VPS35L: variants seen among roughly 807,000 people sequenced by gnomAD.
The protein encoded by VPS35L is VPS35 endosomal protein sorting factor like.
VPS35L carries 83 observed loss-of-function variants against 133.0 expected under a neutral mutation model. That is an observed-to-expected ratio of 0.62 (90% CI 0.52 to 0.75). The LOEUF (loss-of-function observed/expected upper bound fraction) is 0.75. Ranked by LOEUF, VPS35L falls within the 30% of genes least tolerant of loss-of-function variation. The pLI, the probability that VPS35L is intolerant of heterozygous loss-of-function variation, is 0.00. For synonymous variants in VPS35L, 423 were observed against 449.9 expected, an observed-to-expected ratio of 0.94 and a Z score of 0.76; for missense variants, 1,083 against 1,206.8, an observed-to-expected ratio of 0.90 and a Z score of 1.52.
chr16:19,643,488 A>C (rs1213513609), intron 22 of VPS35L, among the ~76,000 whole-genome samples: 1 of 152,172 alleles, frequency 6.6e-6, no homozygotes, highest in Non-Finnish European at 1.5e-5. Context: ...TCTTCCTGGA[A>C]GCTGATGTAC....
At chr16:19,609,101 ATAG>A (rs1972626990) in intron 11 of VPS35L, 80 bp downstream of exon 11, 1 of 1,204,548 alleles carries the variant, frequency 8.3e-7, no homozygotes, top group Non-Finnish European at 1.2e-6. Context: ...TGGCAATGTA[ATAG>A]TAGCCATTAT....
intron 25 of VPS35L, among the ~76,000 whole-genome samples, chr16:19,650,986 C>T (rs2151586957): frequency 6.6e-6 from 1 of 150,702 alleles, no homozygotes; most frequent in Non-Finnish European, 1.5e-5. Context: ...TCAAGCGATT[C>T]TCCTACCTCA....
chr16:19,682,521 C>T, intron 28 of VPS35L, 131 bp downstream of exon 28: 2 of 1,049,932 alleles, frequency 1.9e-6, no homozygotes, highest in South Asian at 1.6e-5. Flanking sequence ...TCCAGGGTCT[C>T]ACTGTATTTA....
chr16:19,651,697 C>T (rs1016760025), intron 25 of VPS35L, among the ~76,000 whole-genome samples: 2 of 152,132 alleles, frequency 1.3e-5, no homozygotes, highest in African/African-American at 4.8e-5. Context: ...TTGGTTTAAA[C>T]AGCTGTCTCT....
chr16:19,634,652 C>T (rs570073478), intron 19 of VPS35L, among the ~76,000 whole-genome samples: 5 of 152,204 alleles, frequency 3.3e-5, no homozygotes, highest in African/African-American at 7.2e-5. Flanking sequence ...GGAAAAATCA[C>T]CATTTTGTAG....
intron 26 of VPS35L, among the ~76,000 whole-genome samples, chr16:19,666,456 A>G (rs1362503413): frequency 1.3e-5 from 2 of 152,238 alleles, no homozygotes; most frequent in Non-Finnish European, 2.9e-5. Flanking sequence ...TACTTAAGAT[A>G]AGATTGAGAA....
chr16:19,590,920 A>G (rs1028046374), intron 7 of VPS35L, among the ~76,000 whole-genome samples: 3 of 152,074 alleles, frequency 2.0e-5, no homozygotes. Flanking sequence ...GCACCAATGC[A>G]CTCCAGCCCG....
chr16:19,677,993 A>T (rs916851503), intron 27 of VPS35L, among the ~76,000 whole-genome samples: 9 of 152,180 alleles, frequency 5.9e-5, no homozygotes, highest in African/African-American at 2.2e-4. Flanking sequence ...AGAAAGATGA[A>T]GGGTCAGCAG....
chr16:19,616,181 C>A lies in VPS35L; in HGVS notation c.1091C>A (p.Thr364Lys), dbSNP rs200808620. The change falls in exon 13 of 31, where the codon ACG becomes AAG. Residue 364 changes from threonine to lysine, a missense_variant. Coordinates refer to ENST00000417362, the MANE Select transcript of VPS35L (RefSeq NM_020314.7). ...AAGAACTTTTTTGACTTCCTCCTTA[C>A]GTTCAAACAGGTAAGAGAACACTAT... ...LNKNFFDFLL[T>K]FKQIHGDTVQ... 9 of 1,610,026 alleles carry A rather than the reference C, an allele frequency of 5.6e-6. No individual in the cohort carries two copies. In the African/African-American group the frequency reaches 1.1e-4, roughly 19 times the overall value.
rs1976053395 is a variant in VPS35L at position 19,699,889 on chromosome 16, A to C, written c.2793+241A>C. 6.6e-6 allele frequency among the ~76,000 whole-genome samples: 1 copy of C among 152,160 alleles called. No homozygotes were observed. On this transcript the variant is annotated intron_variant, in intron 30 of 30. Transcript: ENST00000417362. This position sits in a 1 kb window ranked among gnomAD's most constrained non-coding sequence, Gnocchi z 4.2. ...GAGACAGGAGGATCGCTTGAGGCTAAGGGTTTGACACCAGCCTGGGCAACA... is the reference window on the plus strand; with the variant it reads ...GAGACAGGAGGATCGCTTGAGGCTACGGGTTTGACACCAGCCTGGGCAACA...
At position 19,613,583 on chromosome 16, in the gene VPS35L, C is replaced by T. The variant is rs141406841; in HGVS notation, c.1024-2531C>T. Reference sequence around the variant, plus strand: ...CCCATAGCGGCCTCTGGCTTCCATCCTACCACCTTAGGAACCTTATTGGAA... The same window carrying T: ...CCCATAGCGGCCTCTGGCTTCCATCTTACCACCTTAGGAACCTTATTGGAA... On this transcript the variant is annotated intron_variant, in intron 12 of 30. Transcript: ENST00000417362. 2.6e-3 allele frequency among the ~76,000 whole-genome samples: 402 copies of T among 152,276 alleles called. 1 individual carries two copies. Among genetic ancestry groups the T allele is most frequent in the Non-Finnish European group, 4.6e-3 (316 of 68,016 alleles).
At chr16:19,634,489 G>A (rs1048709447) in intron 19 of VPS35L, among the ~76,000 whole-genome samples, 3 of 151,788 alleles carry the variant, frequency 2.0e-5, no homozygotes, top group Non-Finnish European at 4.4e-5. Context: ...CTTTTGAAGG[G>A]GCTCTCACTT....
chr16:19,559,811 C>T (rs1296912332), intron 1 of VPS35L, among the ~76,000 whole-genome samples: 1 of 152,058 alleles, frequency 6.6e-6, no homozygotes, highest in East Asian at 1.9e-4. Flanking sequence ...TTCAGCCTCC[C>T]GAGTATCTGG....
At chr16:19,642,124 C>T (rs1973806075) in intron 21 of VPS35L, among the ~76,000 whole-genome samples, 1 of 152,104 alleles carries the variant, frequency 6.6e-6, no homozygotes, top group African/African-American at 2.4e-5. Flanking sequence ...GCAGGAGGAT[C>T]ACTCCAACCC....
At chr16:19,648,992 T>G (rs2151585197) in intron 24 of VPS35L, among the ~76,000 whole-genome samples, 1 of 152,284 alleles carries the variant, frequency 6.6e-6, no homozygotes, top group Non-Finnish European at 1.5e-5. Context: ...ATACTTTTTT[T>G]TCCTTTTCTT....
At chr16:19,693,863 A>AACTCG (rs1975797628) in intron 29 of VPS35L, among the ~76,000 whole-genome samples, 1 of 150,718 alleles carries the variant, frequency 6.6e-6, no homozygotes, top group African/African-American at 2.4e-5. Flanking sequence ...GCGGGAATTG[A>AACTCG]AGGCTGCGGC....
intron 27 of VPS35L, among the ~76,000 whole-genome samples, chr16:19,674,014 AACT>A (rs1974965544): frequency 6.6e-6 from 1 of 152,004 alleles, no homozygotes; most frequent in Non-Finnish European, 1.5e-5. Context: ...CGGCATTAGT[AACT>A]ACTCACAGAT....
chr16:19,667,521 C>T (rs1974733671), intron 26 of VPS35L, among the ~76,000 whole-genome samples: 1 of 151,956 alleles, frequency 6.6e-6, no homozygotes, highest in Non-Finnish European at 1.5e-5. Flanking sequence ...ATCGCTTGAG[C>T]TCAGGAGTTT....
At chr16:19,697,266 G>A (rs566683199) in intron 29 of VPS35L, among the ~76,000 whole-genome samples, 17 of 152,288 alleles carry the variant, frequency 1.1e-4, no homozygotes, top group South Asian at 2.1e-4. Context: ...AATTTTGCCC[G>A]GAGTGGGGAG....
Sources: gnomAD v4.1 joint callset for allele counts (sites outside exome capture counted in the v4.1 genomes callset) on GRCh38, gnomAD v4.1.1 for gene constraint, Gnocchi (gnomAD v3.1) non-coding constraint, MANE v1.5 for transcripts, NCBI Gene and HGNC (gene_info 2026-07-23, HGNC 2026-07-21) for gene names.